Variants in FHIT observed in about 807,000 individuals in gnomAD.
FHIT encodes bis(5'-adenosyl)-triphosphatase.
FHIT carries 19 observed loss-of-function variants against 17.9 expected under a neutral mutation model. The observed-to-expected ratio is 1.06, with a 90% CI of 0.74 to 1.56. The LOEUF is 1.56. Ranked by LOEUF, FHIT falls within the 40% of genes most tolerant of loss-of-function variation. FHIT has a pLI of 0.00. For synonymous variants in FHIT, 81 were observed against 69.7 expected, an observed-to-expected ratio of 1.16 and a Z score of -0.81; for missense variants, 248 against 189.2, an observed-to-expected ratio of 1.31 and a Z score of -1.82.
At position 60,713,635 on chromosome 3, in the gene FHIT, G is replaced by A. The variant is rs1364224110; in HGVS notation, c.-18+108284C>T. 6.6e-4 allele frequency among the ~76,000 whole-genome samples: 101 copies of A among 152,166 alleles called. 7 individuals carry two copies. Among genetic ancestry groups the A allele is most frequent in the Non-Finnish European group, 1.5e-5 (1 of 68,042 alleles). On this transcript the variant is annotated intron_variant, in intron 4 of 9. Coordinates refer to ENST00000492590, the MANE Select transcript of FHIT (RefSeq NM_002012.4). ...CACAGAAATACAAACTACCATCAGA[G>A]AATACTATAAACACCTCTATGCAAA...
chr3:60,251,224 G>C (rs1272301982), intron 5 of FHIT, among the ~76,000 whole-genome samples: 1 of 152,172 alleles, frequency 6.6e-6, no homozygotes, highest in Non-Finnish European at 1.5e-5. Flanking sequence ...TAAGTATTAG[G>C]TCAATAGCAC....
chr3:60,616,648 C>A (rs1445856290), intron 4 of FHIT, among the ~76,000 whole-genome samples: 1 of 152,058 alleles, frequency 6.6e-6, no homozygotes, highest in Non-Finnish European at 1.5e-5. Context: ...ATAAGGAAAA[C>A]TATAAAACTT....
At chr3:61,090,576 G>GC (rs777426197) in intron 2 of FHIT, among the ~76,000 whole-genome samples, 35 of 152,140 alleles carry the variant, frequency 2.3e-4, no homozygotes, top group Admixed American at 8.5e-4. Flanking sequence ...AATGCCATGG[G>GC]CCTCCCAGTG....
chr3:60,917,295 A>C (rs1418234455), intron 3 of FHIT, among the ~76,000 whole-genome samples: 1 of 152,212 alleles, frequency 6.6e-6, no homozygotes, highest in Non-Finnish European at 1.5e-5. Flanking sequence ...TTGTGTGCTA[A>C]GATTACCAGG....
At chr3:60,694,214 C>A (rs1553700065) in intron 4 of FHIT, among the ~76,000 whole-genome samples, 1 of 151,974 alleles carries the variant, frequency 6.6e-6, no homozygotes, top group African/African-American at 2.4e-5. Context: ...GGGCATGATC[C>A]TGCCTGGCAG....
At chr3:60,081,038 TAG>T (rs2107040707) in intron 5 of FHIT, among the ~76,000 whole-genome samples, 1 of 152,056 alleles carries the variant, frequency 6.6e-6, no homozygotes, top group African/African-American at 2.4e-5. Flanking sequence ...AAGGAAGGGA[TAG>T]AGACCAGGCA....
intron 5 of FHIT, among the ~76,000 whole-genome samples, chr3:60,042,412 C>T (rs545004306): frequency 9.9e-5 from 15 of 152,206 alleles, no homozygotes; most frequent in African/African-American, 3.6e-4. Context: ...GAGACATGTA[C>T]GATCCCACAG....
At chr3:59,928,188 G>A (rs184295410) in intron 7 of FHIT, among the ~76,000 whole-genome samples, 2 of 152,304 alleles carry the variant, frequency 1.3e-5, no homozygotes, top group African/African-American at 4.8e-5. Context: ...AACAACAGAC[G>A]ATACTGTGGT....
chr3:60,406,210 T>C (rs1434979105), intron 5 of FHIT, among the ~76,000 whole-genome samples: 1 of 152,220 alleles, frequency 6.6e-6, no homozygotes, highest in African/African-American at 2.4e-5. Context: ...AATGATTATG[T>C]GCATAAGGCA....
chr3:60,397,682 C>G (rs1576595172), intron 5 of FHIT, among the ~76,000 whole-genome samples: 2 of 152,152 alleles, frequency 1.3e-5, no homozygotes, highest in African/African-American at 2.4e-5. Flanking sequence ...CATATAAAGG[C>G]AGGTCCCCAG....
intron 5 of FHIT, among the ~76,000 whole-genome samples, chr3:60,137,692 G>T (rs1333785935): frequency 6.6e-6 from 1 of 152,100 alleles, no homozygotes; most frequent in Non-Finnish European, 1.5e-5. Flanking sequence ...TAGAAGGAAG[G>T]AAATAAGCCA....
At chr3:60,033,075 AAAT>A (rs1701068333) in intron 5 of FHIT, among the ~76,000 whole-genome samples, 1 of 152,224 alleles carries the variant, frequency 6.6e-6, no homozygotes, top group African/African-American at 2.4e-5. Context: ...GCACTAAAAC[AAAT>A]AATAACCTAA....
At chr3:61,099,237 T>C (rs1170900391) in intron 2 of FHIT, among the ~76,000 whole-genome samples, 1 of 152,248 alleles carries the variant, frequency 6.6e-6, no homozygotes, top group Non-Finnish European at 1.5e-5. Context: ...GATTTGCATA[T>C]GTTGAACTAA....
chr3:60,241,668 T>C (rs1705135635), intron 5 of FHIT, among the ~76,000 whole-genome samples: 1 of 152,088 alleles, frequency 6.6e-6, no homozygotes, highest in Non-Finnish European at 1.5e-5. Flanking sequence ...TGGAGAGAGT[T>C]AAATATACTG....
intron 4 of FHIT, among the ~76,000 whole-genome samples, chr3:60,772,127 G>A (rs1219483149): frequency 2.7e-5 from 4 of 150,734 alleles, no homozygotes; most frequent in African/African-American, 4.9e-5. Flanking sequence ...ATGACTATCT[G>A]TGGCCTGGAA....
chr3:59,966,642 A>T (rs1294917238), intron 7 of FHIT, among the ~76,000 whole-genome samples: 1 of 152,188 alleles, frequency 6.6e-6, no homozygotes, highest in Non-Finnish European at 1.5e-5. Context: ...ATCTAAATAA[A>T]TATAGAAAAG....
chr3:59,810,179 C>T (rs916372956), intron 8 of FHIT, among the ~76,000 whole-genome samples: 2 of 152,054 alleles, frequency 1.3e-5, no homozygotes, highest in African/African-American at 2.4e-5. Flanking sequence ...TGAAAGCCAT[C>T]GTCATTTGTG....
rs575339148 is a variant in FHIT at position 60,121,393 on chromosome 3, A to G, written c.104-107241T>C. Among the ~76,000 whole-genome samples the G allele has an allele frequency of 6.6e-5, 10 of 152,260 alleles. 1 individual carries two copies. Among genetic ancestry groups the G allele is most frequent in the African/African-American group, 2.2e-4 (9 of 41,542 alleles). ...CTGCAGTCAACTGCAGTTTGAAAAT[A>G]CATGTGTACAGGCCGGGCACAGTGG... On this transcript the variant is annotated intron_variant, in intron 5 of 9. Coordinates refer to ENST00000492590, the MANE Select transcript of FHIT (RefSeq NM_002012.4).
intron 8 of FHIT, among the ~76,000 whole-genome samples, chr3:59,831,821 C>T (rs769878314): frequency 3.9e-5 from 6 of 151,996 alleles, no homozygotes; most frequent in Non-Finnish European, 8.8e-5. Flanking sequence ...TAAAACAAAA[C>T]AAAATGCCAA....
Sources: gnomAD v4.1 joint callset for allele counts (sites outside exome capture counted in the v4.1 genomes callset) on GRCh38, gnomAD v4.1.1 for gene constraint, MANE v1.5 for transcripts, NCBI Gene and HGNC (gene_info 2026-07-23, HGNC 2026-07-21) for gene names.